Variants in CEP72 observed in about 807,000 individuals in gnomAD.
CEP72 encodes the protein centrosomal protein of 72 kDa.
A neutral mutation model predicts 65.7 loss-of-function variants in CEP72; 78 were observed. That is an observed-to-expected ratio of 1.19 (90% CI 0.99 to 1.43). The LOEUF (loss-of-function observed/expected upper bound fraction) is 1.43. Among genes scored for constraint, CEP72 ranks in the 40% most tolerant of loss-of-function variants. The probability of loss-of-function intolerance (pLI) is 0.00; values close to 1 mark genes in which losing one functional copy is unlikely to be tolerated. For synonymous variants in CEP72, 358 were observed against 351.7 expected, an observed-to-expected ratio of 1.02 and a Z score of -0.20; for missense variants, 914 against 832.9, an observed-to-expected ratio of 1.10 and a Z score of -1.20.
intron 10 of CEP72, among the ~76,000 whole-genome samples, chr5:647,212 T>G (rs1738484601): frequency 6.6e-6 from 1 of 152,212 alleles, no homozygotes. Context: ...ACTGTGTGGT[T>G]TTGCAAGAGT....
chr5:648,401 G>A (rs1378179329), intron 11 of CEP72, among the ~76,000 whole-genome samples: 1 of 143,594 alleles, frequency 7.0e-6, no homozygotes, highest in African/African-American at 2.8e-5. Context: ...AGATGGGACT[G>A]TGAGGTATGT....
At chr5:619,664 C>T (rs1362095606) in intron 2 of CEP72, among the ~76,000 whole-genome samples, 1 of 152,224 alleles carries the variant, frequency 6.6e-6, no homozygotes, top group Non-Finnish European at 1.5e-5. Flanking sequence ...CAGATGCGGA[C>T]CTAGCCCAGG....
At position 644,316 on chromosome 5, in the gene CEP72, T is replaced by C; in HGVS notation, c.1557T>C (p.His519=). The stretch of plus-strand genomic sequence containing the variant: ...GTCCGCAGGATGATTTGAGACAACA[T>C]TTAGATAAATCTTTGGAAGAGAACA... ...THKELDDLRQ[H]LDKSLEENSR... is the part of the protein sequence containing the mutation. The change falls in exon 10 of 12, where the codon CAT becomes CAC. Residue 519 remains histidine, a synonymous_variant. Transcript: ENST00000264935. 6.2e-7 allele frequency: 1 copy of C among 1,613,728 alleles called. No individual in the cohort carries two copies. Among genetic ancestry groups the C allele is most frequent in the Non-Finnish European group, 8.5e-7 (1 of 1,179,880 alleles).
In CEP72 at chr5:640,518, C is replaced by T; in HGVS notation, c.1453C>T (p.Gln485Ter). The T allele has an allele frequency of 1.2e-6, 2 of 1,614,198 alleles. No individual in the cohort carries two copies. Among genetic ancestry groups the T allele is most frequent in the Non-Finnish European group, 1.7e-6 (2 of 1,180,034 alleles). Residue 485 changes from glutamine to a stop codon, truncating the protein, a stop_gained, in exon 9 of 12, where the codon CAA becomes TAA. Transcript: ENST00000264935. LOFTEE classifies it high-confidence loss of function. ...GSLALESKSL[Q>*]SRLAEQQQQH... ...CCTGGCTCTGGAGAGTAAGTCCCTG[C>T]AAAGCCGCCTTGCTGAGCAGCAGCA...
At position 624,659 on chromosome 5, in the gene CEP72, T is replaced by G; in HGVS notation, c.512+80T>G. The G allele has an allele frequency of 9.8e-7, 1 of 1,024,874 alleles. No individual in the cohort carries two copies. Among genetic ancestry groups the G allele is most frequent in the Non-Finnish European group, 1.5e-6 (1 of 652,498 alleles). The allele number at this position is 1,024,874 out of a possible 1,614,324, so 63.5% of individuals were successfully genotyped here. The stretch of plus-strand genomic sequence containing the variant: ...GGAGGATTAACCGAACGTCATTCAC[T>G]GTGTGCCGGTCACTCTCCAGGGGCG... On this transcript the variant is annotated intron_variant, in intron 4 of 11. Coordinates refer to ENST00000264935, the MANE Select transcript of CEP72 (RefSeq NM_018140.4). The surrounding 1 kb of genome is among the most constrained non-coding windows in gnomAD (Gnocchi z 4.7).
intron 2 of CEP72, chr5:664,837 G>T (rs16900955): frequency 4.0e-6 from 2 of 494,958 alleles, no homozygotes; most frequent in Non-Finnish European, 7.3e-6. Context: ...TGTGATCCGC[G>T]AGACACTTTG....
rs911895953 is a variant in CEP72, at chr5:624,116, G to A, written c.404-355G>A. Among the ~76,000 whole-genome samples the A allele has an allele frequency of 2.0e-5, 3 of 152,186 alleles. No individual in the cohort carries two copies. Among genetic ancestry groups the A allele is most frequent in the Non-Finnish European group, 4.4e-5 (3 of 68,038 alleles). On this transcript the variant is annotated intron_variant, in intron 3 of 11. Coordinates refer to ENST00000264935, the MANE Select transcript of CEP72 (RefSeq NM_018140.4). This position sits in a 1 kb window ranked among gnomAD's most constrained non-coding sequence, Gnocchi z 4.7. The stretch of plus-strand genomic sequence containing the variant: ...CCTGGAAGTTGCAGCCTCTCGGGCC[G>A]GGCAGGCTCCCTCCGTGGAGGCTTC...
At chr5:617,220 G>T (rs1736052333) in intron 1 of CEP72, among the ~76,000 whole-genome samples, 1 of 152,158 alleles carries the variant, frequency 6.6e-6, no homozygotes. Context: ...GAGTGCCGAG[G>T]CCCCTGGCTG....
In CEP72 at chr5:647,907, A is replaced by C; in HGVS notation, c.1769A>C (p.Glu590Ala). The C allele has an allele frequency of 6.2e-7, 1 of 1,610,406 alleles. No individual in the cohort carries two copies. Among genetic ancestry groups the C allele is most frequent in the South Asian group, 1.1e-5 (1 of 90,700 alleles). Residue 590 changes from glutamate (E) to alanine (A), a missense_variant, in exon 11 of 12, where the codon GAG (glutamate) becomes GCG (alanine). Coordinates refer to ENST00000264935, the MANE Select transcript of CEP72 (RefSeq NM_018140.4). ...KIQELTQMLQ[E>A]SHSSLVSTNE... ...CAGGAGCTCACGCAGATGCTGCAGG[A>C]GAGCCACAGGTGCCTGCCCGTGAGA...
chr5:635,662 G>T, intron 6 of CEP72, 78 bp downstream of exon 6: 1 of 1,181,310 alleles, frequency 8.5e-7, no homozygotes, highest in South Asian at 1.3e-5. Context: ...AAGAACAGAA[G>T]CTTATGTGGC....
rs1300866436 is a variant in CEP72 at position 623,236 on chromosome 5, C to G, written c.404-1235C>G. Among the ~76,000 whole-genome samples the G allele has an allele frequency of 6.6e-6, 1 of 152,274 alleles. No individual in the cohort carries two copies. The highest frequency in any genetic ancestry group is 1.5e-5 in the Non-Finnish European group (1 of 68,052). On this transcript the variant is annotated intron_variant, in intron 3 of 11. Coordinates refer to ENST00000264935, the MANE Select transcript of CEP72 (RefSeq NM_018140.4). This position sits in a 1 kb window ranked among gnomAD's most constrained non-coding sequence, Gnocchi z 5.3. Reference sequence around the variant, plus strand: ...ACAGAGAAGGAGCACAACCGTCTCCCCGCATGTGAGAGATGCTTCCTGCAG... The same window carrying G: ...ACAGAGAAGGAGCACAACCGTCTCCGCGCATGTGAGAGATGCTTCCTGCAG...
intron 4 of CEP72, among the ~76,000 whole-genome samples, chr5:627,928 C>G (rs76242473): frequency 6.6e-6 from 1 of 152,226 alleles, no homozygotes; most frequent in East Asian, 1.9e-4. Flanking sequence ...CGCTGCTGAC[C>G]GTGACCAGCG....
chr5:667,901 C>T (rs1174591123), downstream of CEP72, among the ~76,000 whole-genome samples: 2 of 74,256 alleles, frequency 2.7e-5, no homozygotes, highest in Non-Finnish European at 4.8e-5. Context: ...GCCGTGTGGG[C>T]GCCGTCAGGG....
chr5:666,528 G>C (rs1425089098), intron 4 of CEP72, among the ~76,000 whole-genome samples: 1 of 152,220 alleles, frequency 6.6e-6, no homozygotes, highest in East Asian at 1.9e-4. Context: ...CCTAGGTGGA[G>C]GTGTCCCCCA....
intron 6 of CEP72, 24 bp from the exon 7 acceptor site, chr5:637,493 C>T (rs371858792): frequency 6.9e-6 from 11 of 1,593,538 alleles, no homozygotes; most frequent in East Asian, 6.7e-5. Context: ...GCCTGACGTG[C>T]GCCCCATCCT....
intron 2 of CEP72, chr5:663,679 C>T (rs996106811): frequency 1.3e-5 from 2 of 152,424 alleles, no homozygotes; most frequent in Non-Finnish European, 2.9e-5. Context: ...CCTCGCCACC[C>T]TCCTGTACTG....
chr5:671,274 C>T (rs1740214084), downstream of CEP72, among the ~76,000 whole-genome samples: 1 of 152,150 alleles, frequency 6.6e-6, no homozygotes. Context: ...CGTGTGTAGT[C>T]ACCGCCCTGT....
intron 11 of CEP72, among the ~76,000 whole-genome samples, chr5:648,176 A>C (rs1347231286): frequency 6.6e-6 from 1 of 152,200 alleles, no homozygotes; most frequent in Non-Finnish European, 1.5e-5. Flanking sequence ...GTGAGGTCTG[A>C]CCATGAGGTG....
At chr5:657,515 G>A (rs148247857), downstream of CEP72, among the ~76,000 whole-genome samples, 2 of 152,350 alleles carry the variant, frequency 1.3e-5, no homozygotes, top group Admixed American at 6.5e-5. Context: ...GATGTTTGAT[G>A]GAACTTGCTG....
Sources: allele counts gnomAD v4.1 joint callset (sites outside exome capture counted in the v4.1 genomes callset), GRCh38; gene constraint gnomAD v4.1.1; non-coding constraint Gnocchi (gnomAD v3.1); transcripts MANE v1.5; gene names NCBI Gene and HGNC (gene_info 2026-07-23, HGNC 2026-07-21).